The following SPICE1 variants were observed in gnomAD, a reference collection of about 807,000 sequenced individuals.
The protein encoded by SPICE1 is spindle and centriole associated protein 1.
Under a neutral mutation model 102.7 loss-of-function variants are expected in SPICE1, and 75 were observed. The observed-to-expected ratio is 0.73, with a 90% confidence interval of 0.61 to 0.88. The LOEUF (loss-of-function observed/expected upper bound fraction) is 0.88, where lower values mean the gene tolerates loss of function less well. Among genes scored for constraint, SPICE1 ranks in the 40% least tolerant of loss-of-function variants. The pLI is 0.00. For missense variants in SPICE1, 979 were observed against 1,020.1 expected, an observed-to-expected ratio of 0.96 and a Z score of 0.55; for synonymous variants, 308 against 350.3, an observed-to-expected ratio of 0.88 and a Z score of 1.35.
rs1436936083 is a variant in SPICE1 at position 113,474,212 on chromosome 3, G to A, written c.612-4974C>T. Among the ~76,000 whole-genome samples, 8 of 151,766 alleles carry A rather than the reference G, an allele frequency of 5.3e-5. No individual in the cohort carries two copies. The South Asian group carries it at 1.5e-3, about 28-fold the overall frequency. Reference sequence around the variant, plus strand: ...AGAAGGCCATTACATAATGGTAAAGGGATCAATTCAACAAGAAGAGCTAAC... The same window carrying A: ...AGAAGGCCATTACATAATGGTAAAGAGATCAATTCAACAAGAAGAGCTAAC... On this transcript the variant is annotated intron_variant, in intron 7 of 17. Transcript: ENST00000295872.
chr3:113,447,017 T>A (rs1449419315), intron 16 of SPICE1, among the ~76,000 whole-genome samples: 1 of 152,148 alleles, frequency 6.6e-6, no homozygotes, highest in Non-Finnish European at 1.5e-5. Context: ...ATAAGTCTCA[T>A]GAGACCTGAT....
In SPICE1 at chr3:113,453,733, T is replaced by C; in HGVS notation, c.1875A>G (p.Ser625=). 1 of 1,614,198 alleles carries C rather than the reference T, an allele frequency of 6.2e-7. No individual in the cohort carries two copies. The highest frequency in any genetic ancestry group is 8.5e-7 in the Non-Finnish European group (1 of 1,180,028). The change falls in exon 14 of 18, where the codon TCA becomes TCG. Residue 625 remains serine (S), a synonymous_variant. Coordinates refer to ENST00000295872, the MANE Select transcript of SPICE1 (RefSeq NM_144718.4). ...NKTQAPFVNL[S]QPLCNSHSNT... ...TGGAATGGGAATTGCAGAGGGGCTG[T>C]GAGAGGTTAACAAAAGGAGCCTGAG...
chr3:113,486,597 GA>G (rs1444099591), intron 7 of SPICE1, among the ~76,000 whole-genome samples: 1 of 151,350 alleles, frequency 6.6e-6, no homozygotes. Context: ...TAAAAATGAA[GA>G]AAAAAATACC....
At chr3:113,489,289 G>A (rs551006669) in intron 6 of SPICE1, among the ~76,000 whole-genome samples, 2 of 152,094 alleles carry the variant, frequency 1.3e-5, no homozygotes, top group South Asian at 4.2e-4. Flanking sequence ...ACATTTAAAT[G>A]TGAGCAAGCC....
At chr3:113,475,686 C>T (rs1450538163) in intron 7 of SPICE1, among the ~76,000 whole-genome samples, 4 of 152,152 alleles carry the variant, frequency 2.6e-5, no homozygotes, top group African/African-American at 9.7e-5. Context: ...ACAAAAACCA[C>T]ATAATTATCT....
Position 113,514,928 on chromosome 3 carries a change from G to C in SPICE1, c.-32C>G, listed in dbSNP as rs1311998362. 2.1e-5 allele frequency: 23 copies of C among 1,107,360 alleles called. No homozygotes were observed. Among genetic ancestry groups the C allele is most frequent in the Non-Finnish European group, 2.4e-5 (21 of 875,126 alleles). 68.6% of individuals were successfully genotyped at this position (1,107,360 alleles called of 1,614,324 possible). The stretch of plus-strand genomic sequence containing the variant: ...TCTCAAAACACAGAGCCGCGGCTGC[G>C]CTTCCTGAAGTAAGGATTCCCCAAC... On this transcript the variant is annotated 5_prime_UTR_variant, in exon 1 of 18. Transcript: ENST00000295872.
chr3:113,484,683 C>T (rs920756905), intron 7 of SPICE1, among the ~76,000 whole-genome samples: 7 of 152,008 alleles, frequency 4.6e-5, no homozygotes, highest in African/African-American at 9.7e-5. Context: ...CGTAGTTGTG[C>T]GGTTTTGAGT....
At chr3:113,478,377 A>C (rs1936412573) in intron 7 of SPICE1, among the ~76,000 whole-genome samples, 1 of 152,154 alleles carries the variant, frequency 6.6e-6, no homozygotes, top group African/African-American at 2.4e-5. Context: ...GCTAAATGTA[A>C]AAAGCCAAGA....
chr3:113,448,051 T>C lies in SPICE1; in HGVS notation c.2413A>G (p.Ile805Val), dbSNP rs750184113. Reference sequence around the variant, plus strand: ...ACTGCAACTTACCTTCTTGTATTTATCCCGCTGACGGGAGAGACAGTACTA... The same window carrying C: ...ACTGCAACTTACCTTCTTGTATTTACCCCGCTGACGGGAGAGACAGTACTA... ...KCSTVSPVSG[I>V]NTRRSSGATG... is the part of the protein sequence containing the mutation. The change falls in exon 16 of 18, where the codon ATA (isoleucine) becomes GTA (valine). Residue 805 changes from isoleucine to valine, a missense_variant. By Grantham distance (29) the Ile-to-Val change is conservative. Transcript: ENST00000295872. 2.7e-5 allele frequency: 43 copies of C among 1,604,686 alleles called. No homozygotes were observed. Among genetic ancestry groups the C allele is most frequent in the Non-Finnish European group, 3.7e-5 (43 of 1,176,738 alleles).
Position 113,489,020 on chromosome 3 carries a change from C to T in SPICE1, c.536G>A (p.Ser179Asn). 1 of 1,613,654 alleles carries T rather than the reference C, an allele frequency of 6.2e-7. No homozygotes were observed. Among genetic ancestry groups the T allele is most frequent in the Non-Finnish European group, 8.5e-7 (1 of 1,179,732 alleles). Residue 179 changes from serine to asparagine, a missense_variant, in exon 7 of 18, where the codon AGC (serine) becomes AAC (asparagine). By Grantham distance (46) the Ser-to-Asn change is conservative. Coordinates refer to ENST00000295872, the MANE Select transcript of SPICE1 (RefSeq NM_144718.4). ...CTCATTCTCACTTTCTCCTGACTGG[C>T]TATTAACAGTTCCTTCTTCTTCACC... is the stretch of plus-strand genomic sequence containing the variant. ...VDGEEEGTVNSQSGESENENE... is the reference protein window; with the variant it reads ...VDGEEEGTVNNQSGESENENE...
chr3:113,469,860 T>C (rs1381823909), intron 7 of SPICE1, among the ~76,000 whole-genome samples: 2 of 152,136 alleles, frequency 1.3e-5, no homozygotes, highest in Admixed American at 6.6e-5. Context: ...TAATTAAGCA[T>C]ATATGGCTCA....
intron 4 of SPICE1, among the ~76,000 whole-genome samples, chr3:113,498,597 T>G (rs1936946589): frequency 6.6e-6 from 1 of 152,218 alleles, no homozygotes; most frequent in Admixed American, 6.5e-5. Flanking sequence ...ATGTAAACAT[T>G]TATTTGGGAG....
chr3:113,467,819 C>G (rs2107462979), intron 10 of SPICE1, among the ~76,000 whole-genome samples: 1 of 152,244 alleles, frequency 6.6e-6, no homozygotes, highest in South Asian at 2.1e-4. Context: ...GTTAACAGTT[C>G]TATTTAATCT....
chr3:113,471,166 T>C (rs951265129), intron 7 of SPICE1, among the ~76,000 whole-genome samples: 6 of 152,190 alleles, frequency 3.9e-5, no homozygotes, highest in African/African-American at 1.2e-4. Context: ...AGATATTCCA[T>C]GTCCTAAACC....
At chr3:113,454,086 T>G in intron 13 of SPICE1, 136 bp from the exon 14 acceptor site, 1 of 781,676 alleles carries the variant, frequency 1.3e-6, no homozygotes, top group Non-Finnish European at 2.0e-6. Context: ...GCTTAAACTA[T>G]TTTCAGCAGA....
At chr3:113,460,366 A>G (rs1935902210) in intron 12 of SPICE1, 3 of 909,562 alleles carry the variant, frequency 3.3e-6, no homozygotes, top group Non-Finnish European at 3.9e-6. Flanking sequence ...CAATGGGGAT[A>G]ACAATAACAC....
In SPICE1 at chr3:113,447,697, G is replaced by A. The variant is rs542621489; in HGVS notation, c.2426+341C>T. 3.9e-5 allele frequency among the ~76,000 whole-genome samples: 6 copies of A among 152,156 alleles called. No homozygotes were observed. In the South Asian group the frequency reaches 1.0e-3, roughly 26 times the overall value. On this transcript the variant is annotated intron_variant, in intron 16 of 17. Transcript: ENST00000295872. Reference sequence around the variant, plus strand: ...TCTAGACAAATCACCCAATTAACTCGGAGAGCTTCAGTTTCATTTACTGTG... The same window carrying A: ...TCTAGACAAATCACCCAATTAACTCAGAGAGCTTCAGTTTCATTTACTGTG...
chr3:113,482,010 A>G (rs971483485), intron 7 of SPICE1, among the ~76,000 whole-genome samples: 1 of 152,196 alleles, frequency 6.6e-6, no homozygotes, highest in African/African-American at 2.4e-5. Context: ...CAATGGTTGA[A>G]CTAATTTACA....
intron 13 of SPICE1, among the ~76,000 whole-genome samples, chr3:113,456,774 T>C (rs1049389544): frequency 2.6e-5 from 4 of 152,198 alleles, no homozygotes; most frequent in Admixed American, 6.5e-5. Context: ...CTTTCCTTAG[T>C]CTAACTTTCA....
Sources: gnomAD v4.1 joint callset for allele counts (sites outside exome capture counted in the v4.1 genomes callset) on GRCh38, gnomAD v4.1.1 for gene constraint, MANE v1.5 for transcripts, NCBI Gene and HGNC (gene_info 2026-07-23, HGNC 2026-07-21) for gene names.